UBE2U: variants seen among roughly 807,000 people sequenced by gnomAD.
The protein encoded by UBE2U is ubiquitin-conjugating enzyme E2 U.
UBE2U carries 39 observed loss-of-function variants against 41.2 expected under a neutral mutation model. The ratio of observed to expected loss-of-function variants is 0.95; its 90% CI spans 0.73 to 1.24. The LOEUF (loss-of-function observed/expected upper bound fraction) is 1.24. Ranked by LOEUF, UBE2U falls within the 50% of genes most tolerant of loss-of-function variation. The pLI, the probability that UBE2U is intolerant of heterozygous loss-of-function variation, is 0.00. For synonymous variants in UBE2U, 107 were observed against 117.8 expected (o/e 0.91, Z 0.60); for missense variants, 336 against 363.1 (o/e 0.93, Z 0.61).
intron 4 of UBE2U, among the ~76,000 whole-genome samples, chr1:64,212,884 T>A (rs925399327): frequency 6.6e-6 from 1 of 152,172 alleles, no homozygotes; most frequent in Non-Finnish European, 1.5e-5. Flanking sequence ...GACACCAAAG[T>A]GTTGCCAAAT....
chr1:64,239,131 A>AGAGGAAGAGGAAGAGGAAGAG (rs1557730319), intron 7 of UBE2U, among the ~76,000 whole-genome samples: 14 of 22,292 alleles, frequency 6.3e-4, no homozygotes, highest in African/African-American at 3.5e-3. Context: ...AAGAAGAAGA[A>AGAGGAAGAGGAAGAGGAAGAG]GAAGAAGAAG....
At chr1:64,264,223 T>C (rs1645220471) in intron 9 of UBE2U, among the ~76,000 whole-genome samples, 1 of 152,202 alleles carries the variant, frequency 6.6e-6, no homozygotes, top group African/African-American at 2.4e-5. Context: ...AGCTAAACTA[T>C]TTTCAGATTA....
intron 5 of UBE2U, 28 bp from the exon 6 acceptor site, chr1:64,220,831 A>G: frequency 6.3e-7 from 1 of 1,580,646 alleles, no homozygotes; most frequent in Non-Finnish European, 8.7e-7. Flanking sequence ...CAAGTAAACC[A>G]GAATCCTTTC....
intron 8 of UBE2U, among the ~76,000 whole-genome samples, chr1:64,251,723 C>T (rs554141504): frequency 3.3e-5 from 5 of 152,160 alleles, no homozygotes; most frequent in Non-Finnish European, 7.3e-5. Flanking sequence ...TCAGGAGATC[C>T]CCTCATGAGC....
chr1:64,240,351 T>C (rs1644814818), intron 7 of UBE2U, among the ~76,000 whole-genome samples: 1 of 152,184 alleles, frequency 6.6e-6, no homozygotes, highest in African/African-American at 2.4e-5. Flanking sequence ...TTAAAAGAAC[T>C]GAGGCTTCCC....
chr1:64,253,980 G>C (rs570078148), intron 8 of UBE2U, among the ~76,000 whole-genome samples: 24 of 152,198 alleles, frequency 1.6e-4, no homozygotes, highest in African/African-American at 4.8e-4. Context: ...AGCTGAATAA[G>C]GAGCCAAGAC....
intron 9 of UBE2U, among the ~76,000 whole-genome samples, chr1:64,263,563 C>T (rs1388945570): frequency 2.6e-5 from 4 of 152,092 alleles, no homozygotes; most frequent in Admixed American, 6.5e-5. Context: ...CTGTATGTCA[C>T]TAAGATTTTG....
intron 8 of UBE2U, among the ~76,000 whole-genome samples, chr1:64,259,338 T>G (rs2100542069): frequency 6.6e-6 from 1 of 152,300 alleles, no homozygotes; most frequent in South Asian, 2.1e-4. Flanking sequence ...TAGATCCCAT[T>G]TGTCAAGTTT....
intron 4 of UBE2U, among the ~76,000 whole-genome samples, chr1:64,211,916 T>C (rs111709619): frequency 0.045 from 6,839 of 152,294 alleles, 493 homozygotes; most frequent in African/African-American, 0.16. Flanking sequence ...TTATCTAGAA[T>C]ACTTGGAATA....
At chr1:64,250,059 G>A (rs1644981920) in intron 8 of UBE2U, among the ~76,000 whole-genome samples, 1 of 152,096 alleles carries the variant, frequency 6.6e-6, no homozygotes, top group South Asian at 2.1e-4. Context: ...AAGGAGCAAC[G>A]ATAAGAATAG....
intron 8 of UBE2U, among the ~76,000 whole-genome samples, chr1:64,245,766 A>T (rs908131744): frequency 6.6e-6 from 1 of 152,052 alleles, no homozygotes; most frequent in Non-Finnish European, 1.5e-5. Flanking sequence ...TTGACAGCCC[A>T]AGACCTGATT....
At chr1:64,208,958 C>G (rs1174778275) in intron 3 of UBE2U, among the ~76,000 whole-genome samples, 1 of 152,076 alleles carries the variant, frequency 6.6e-6, no homozygotes, top group Non-Finnish European at 1.5e-5. Flanking sequence ...TTAATAAACA[C>G]ACACATATGG....
chr1:64,215,779 GT>G (rs1651964648), intron 5 of UBE2U, among the ~76,000 whole-genome samples: 1 of 152,118 alleles, frequency 6.6e-6, no homozygotes, highest in Non-Finnish European at 1.5e-5. Context: ...CAGCAGCCTC[GT>G]TATGACTCCT....
chr1:64,235,716 T>A (rs1388965942), intron 7 of UBE2U, among the ~76,000 whole-genome samples: 1 of 152,198 alleles, frequency 6.6e-6, no homozygotes, highest in Non-Finnish European at 1.5e-5. Context: ...CTTTTCCCTA[T>A]CTTGTGCCAC....
chr1:64,254,774 G>C (rs1158607294), intron 8 of UBE2U, among the ~76,000 whole-genome samples: 3 of 151,994 alleles, frequency 2.0e-5, no homozygotes, highest in Non-Finnish European at 4.4e-5. Flanking sequence ...CAGCTAAAGT[G>C]GTGTTGAGAG....
rs577797548 is a variant in UBE2U, at chr1:64,211,154, C to T, written c.339+315C>T. Reference sequence around the variant, plus strand: ...GGTTTTCTTTTGGTTCCTAACTTCACTTCCTGATGTTGAGCAAGCCTTTTA... The same window carrying T: ...GGTTTTCTTTTGGTTCCTAACTTCATTTCCTGATGTTGAGCAAGCCTTTTA... On this transcript the variant is annotated intron_variant, in intron 4 of 9. Coordinates refer to ENST00000371077, the MANE Select transcript of UBE2U (RefSeq NM_001366232.2). 1.7e-4 allele frequency among the ~76,000 whole-genome samples: 26 copies of T among 152,320 alleles called. No individual in the cohort carries two copies. The East Asian group carries it at 4.8e-3, about 28-fold the overall frequency.
rs553122430 is a variant in UBE2U, at chr1:64,207,069, C to T, written c.241+213C>T. Among the ~76,000 whole-genome samples, 10 of 152,246 alleles carry T rather than the reference C, an allele frequency of 6.6e-5. No homozygotes were observed. The South Asian group carries it at 1.9e-3, about 28-fold the overall frequency. ...GTCAACATTTTGCCAAATTTATTTTCCTTTTTTCTAAGTATGAATTTTTTC... is the reference window on the plus strand; with the variant it reads ...GTCAACATTTTGCCAAATTTATTTTTCTTTTTTCTAAGTATGAATTTTTTC... On this transcript the variant is annotated intron_variant, in intron 3 of 9. Transcript: ENST00000371077.
chr1:64,237,367 A>G (rs868656161), intron 7 of UBE2U, among the ~76,000 whole-genome samples: 12 of 152,224 alleles, frequency 7.9e-5, no homozygotes, highest in South Asian at 6.2e-4. Flanking sequence ...GGCACAACAG[A>G]AAAGCAAGAA....
At chr1:64,247,407 T>C (rs1440433234) in intron 8 of UBE2U, among the ~76,000 whole-genome samples, 1 of 152,136 alleles carries the variant, frequency 6.6e-6, no homozygotes, top group Non-Finnish European at 1.5e-5. Flanking sequence ...CCCCAAATCT[T>C]ATGTTGATAT....
Sources: gnomAD v4.1 joint callset for allele counts (sites outside exome capture counted in the v4.1 genomes callset) on GRCh38, gnomAD v4.1.1 for gene constraint, MANE v1.5 for transcripts, NCBI Gene and HGNC (gene_info 2026-07-23, HGNC 2026-07-21) for gene names.